The following ADAD2 variants were observed in gnomAD, a reference collection of about 807,000 sequenced individuals.
The protein encoded by ADAD2 is adenosine deaminase domain containing 2, also known as adenosine deaminase domain-containing protein 2.
A neutral mutation model predicts 54.5 loss-of-function variants in ADAD2; 60 were observed. The ratio of observed to expected loss-of-function variants is 1.10; its 90% confidence interval spans 0.89 to 1.36. The LOEUF (loss-of-function observed/expected upper bound fraction) is 1.36, where lower values mean the gene tolerates loss of function less well. Ranked by LOEUF, ADAD2 falls within the 40% of genes most tolerant of loss-of-function variation. The pLI, the probability that ADAD2 is intolerant of heterozygous loss-of-function variation, is 0.00. For synonymous variants in ADAD2, 543 were observed against 366.2 expected (o/e 1.48, Z -5.51); for missense variants, 1,103 against 801.3 (o/e 1.38, Z -4.54).
chr16:84,194,893 CT>C (rs1020618780), intron 2 of ADAD2, 39 bp from the exon 3 acceptor site: 1 of 1,574,842 alleles, frequency 6.3e-7, no homozygotes, highest in African/African-American at 1.4e-5. Flanking sequence ...GAGGGTGGGC[CT>C]TGGCACCCAC....
chr16:84,194,057 G>T, intron 1 of ADAD2: 1 of 1,611,046 alleles, frequency 6.2e-7, no homozygotes, highest in South Asian at 1.1e-5. Flanking sequence ...AAAGCAATGT[G>T]TCTGTGGCAG....
intron 9 of ADAD2, 38 bp downstream of exon 9, chr16:84,196,805 C>T (rs1291984346): frequency 1.2e-6 from 2 of 1,600,642 alleles, no homozygotes; most frequent in Non-Finnish European, 8.5e-7. Flanking sequence ...GGTCCCTCTC[C>T]AGCCCTGCAG....
chr16:84,195,795 T>C lies in ADAD2; in HGVS notation c.1053-20T>C. The C allele has an allele frequency of 6.3e-7, 1 of 1,578,100 alleles. No individual in the cohort carries two copies. Among genetic ancestry groups the C allele is most frequent in the Non-Finnish European group, 8.6e-7 (1 of 1,161,902 alleles). On this transcript the variant is annotated intron_variant, in intron 6 of 9. Transcript: ENST00000315906. Reference sequence around the variant, plus strand: ...GAAGAGCAGCCCTGAAGCTGATGTCTGTCCCCACCCGGCCCGCAGCCTGCC... The same window carrying C: ...GAAGAGCAGCCCTGAAGCTGATGTCCGTCCCCACCCGGCCCGCAGCCTGCC...
Position 84,196,173 on chromosome 16 carries a change from C to T in ADAD2, c.1329C>T (p.Thr443=). The T allele has an allele frequency of 6.2e-7, 1 of 1,607,686 alleles. No individual in the cohort carries two copies. The highest frequency in any genetic ancestry group is 8.5e-7 in the Non-Finnish European group (1 of 1,179,882). The part of the protein sequence containing the change: ...DPPTLSRAIH[T]RPCLDSVLGP... ...CGACTCTGAGCAGGGCCATCCACACCCGGCCCTGCCTGGACAGTGTCCTGG... is the reference window on the plus strand; with the variant it reads ...CGACTCTGAGCAGGGCCATCCACACTCGGCCCTGCCTGGACAGTGTCCTGG... Residue 443 remains threonine, a synonymous_variant, in exon 8 of 10, where the codon ACC becomes ACT. Coordinates refer to ENST00000315906, the MANE Select transcript of ADAD2 (RefSeq NM_001145400.2).
Position 84,196,287 on chromosome 16 carries a change from C to G in ADAD2, c.1443C>G (p.Thr481=), listed in dbSNP as rs144352486. ...CCCCTTCCGAACCCACCCCTGACAC[C>G]TGCCGTGGCCTGAGCCTCAACTGGA... ...PVAPSEPTPD[T]CRGLSLNWSL... is the part of the protein sequence containing the mutation. The change falls in exon 8 of 10, where the codon ACC becomes ACG. Residue 481 remains threonine (T), a synonymous_variant. Transcript: ENST00000315906. The G allele has an allele frequency of 5.1e-5, 83 of 1,613,022 alleles. No homozygotes were observed. In the African/African-American group the frequency reaches 9.6e-4, roughly 19 times the overall value.
intron 1 of ADAD2, among the ~76,000 whole-genome samples, chr16:84,192,086 G>C (rs1041870064): frequency 6.6e-6 from 1 of 152,196 alleles, no homozygotes; most frequent in South Asian, 2.1e-4. Context: ...GAGGTAAACC[G>C]TTATTTCCTC....
In ADAD2 at chr16:84,195,621, C is replaced by T. The variant is rs2089718185; in HGVS notation, c.976C>T (p.Pro326Ser). The T allele has an allele frequency of 9.3e-6, 15 of 1,604,886 alleles. No individual in the cohort carries two copies. Among genetic ancestry groups the T allele is most frequent in the Non-Finnish European group, 1.3e-5 (15 of 1,175,998 alleles). ...VLAPQPGPGP[P>S]FTLKPRVFLH... ...GGCCCCCCAGCCAGGGCCCGGACCCCCATTCACCCTCAAGCCCCGCGTCTT... is the reference window on the plus strand; with the variant it reads ...GGCCCCCCAGCCAGGGCCCGGACCCTCATTCACCCTCAAGCCCCGCGTCTT... The change falls in exon 6 of 10, where the codon CCA (proline) becomes TCA (serine). Residue 326 changes from proline (P) to serine (S), a missense_variant. Coordinates refer to ENST00000315906, the MANE Select transcript of ADAD2 (RefSeq NM_001145400.2).
chr16:84,191,277 A>C lies in ADAD2; in HGVS notation c.47A>C (p.Lys16Thr). Residue 16 changes from lysine (K) to threonine (T), a missense_variant, in exon 1 of 10, where the codon AAG (lysine) becomes ACG (threonine). By Grantham distance (78) the Lys-to-Thr change is moderately conservative. Transcript: ENST00000315906. The stretch of plus-strand genomic sequence containing the variant: ...GCTGACGACGACGGCAGTCGTAGGA[A>C]GCCCCGCCTGGCTGCATCGTTGCAG... ...QGADDDGSRR[K>T]PRLAASLQIS... The C allele has an allele frequency of 1.9e-6, 3 of 1,569,742 alleles. No homozygotes were observed. The highest frequency in any genetic ancestry group is 1.2e-5 in the South Asian group (1 of 86,912).
At position 84,196,699 on chromosome 16, in the gene ADAD2, T is replaced by C; in HGVS notation, c.1579T>C (p.Phe527Leu). ...RLCKASFLRA[F>L]HQAARAVGKP... The stretch of plus-strand genomic sequence containing the variant: ...CTGCAAGGCCTCCTTTCTCCGGGCC[T>C]TTCACCAGGCGGCCAGGGCTGTGGG... The change falls in exon 9 of 10, where the codon TTT becomes CTT. Residue 527 changes from phenylalanine to leucine, a missense_variant. Physicochemically the swap from Phe to Leu is conservative, Grantham distance 22 (BLOSUM62 0). Coordinates refer to ENST00000315906, the MANE Select transcript of ADAD2 (RefSeq NM_001145400.2). 6.2e-7 allele frequency: 1 copy of C among 1,613,342 alleles called. No individual in the cohort carries two copies. The highest frequency in any genetic ancestry group is 1.1e-5 in the South Asian group (1 of 91,084).
At chr16:84,194,655 A>G in intron 2 of ADAD2, 73 bp downstream of exon 2, 1 of 1,552,002 alleles carries the variant, frequency 6.4e-7, no homozygotes. Context: ...TCCCGTGGGG[A>G]GGCGGAAGTG....
chr16:84,192,009 C>T, intron 1 of ADAD2: 2 of 413,076 alleles, frequency 4.8e-6, no homozygotes, highest in South Asian at 2.2e-5. Context: ...AAATGGGAGC[C>T]ACTCCCCTGA....
chr16:84,197,005 G>T lies in ADAD2; in HGVS notation c.*31G>T. The T allele has an allele frequency of 1.3e-6, 2 of 1,559,818 alleles. No homozygotes were observed. Among genetic ancestry groups the T allele is most frequent in the Non-Finnish European group, 1.7e-6 (2 of 1,151,918 alleles). On this transcript the variant is annotated 3_prime_UTR_variant, in exon 10 of 10. Coordinates refer to ENST00000315906, the MANE Select transcript of ADAD2 (RefSeq NM_001145400.2). ...GCCTCGGCGGGACCGAGGTCCCGGA[G>T]CCAAGCTGTACCCCTGCTGGGGGAG...
chr16:84,197,104 G>C lies in ADAD2; in HGVS notation c.*130G>C. On this transcript the variant is annotated 3_prime_UTR_variant, in exon 10 of 10. Transcript: ENST00000315906. ...AAACTGGGGCTGGAGGGAAGGAGGA[G>C]CCTGCTGTGGTTGGGAGGCGGCTGC... 2 of 930,122 alleles carry C rather than the reference G, an allele frequency of 2.2e-6. No homozygotes were observed. The highest frequency in any genetic ancestry group is 3.2e-6 in the Non-Finnish European group (2 of 620,138). The allele number at this position is 930,122 out of a possible 1,614,324, so 57.6% of individuals were successfully genotyped here. A position where few individuals can be genotyped will look rare whatever the true frequency, so the allele number is the denominator to read the frequency against.
chr16:84,194,868 G>A (rs370103728), intron 2 of ADAD2, 65 bp from the exon 3 acceptor site: 3 of 1,526,744 alleles, frequency 2.0e-6, no homozygotes, highest in Non-Finnish European at 2.6e-6. Flanking sequence ...CGCCTCCTTG[G>A]CTTCCTGAGG....
chr16:84,192,160 T>C (rs1348963421), intron 1 of ADAD2, among the ~76,000 whole-genome samples: 1 of 152,226 alleles, frequency 6.6e-6, no homozygotes, highest in Non-Finnish European at 1.5e-5. Context: ...TTGGATTTTT[T>C]TTGAGACAGG....
At position 84,195,103 on chromosome 16, in the gene ADAD2, G is replaced by T. The variant is rs369199969; in HGVS notation, c.642G>T (p.Ala214=). 20 of 1,613,630 alleles carry T rather than the reference G, an allele frequency of 1.2e-5. No homozygotes were observed. The highest frequency in any genetic ancestry group is 3.3e-5 in the Admixed American group (2 of 59,990). The stretch of plus-strand genomic sequence containing the variant: ...TGACCCATGAGCAGCGCTGCGCAGC[G>T]TTGGTGAGCGCCGGCTTTGACCTCC... ...NILTHEQRCA[A]LVSAGFDLLL... The change falls in exon 4 of 10, where the codon GCG becomes GCT. Residue 214 remains alanine, a synonymous_variant. Transcript: ENST00000315906.
rs201956276 is a variant in ADAD2, at chr16:84,195,038, C to T, written c.608-31C>T. ...TGTCGAGGGGAGAGGCGTGGGCCCC[C>T]TTCTACCTGCAGTCTCTCGCCCTGG... On this transcript the variant is annotated intron_variant, in intron 3 of 9. Transcript: ENST00000315906. 4.9e-5 allele frequency: 79 copies of T among 1,612,546 alleles called. No homozygotes were observed. The Middle Eastern group carries it at 3.1e-3, about 64-fold the overall frequency.
Position 84,191,283 on chromosome 16 carries a change from G to C in ADAD2, c.53G>C (p.Arg18Pro), listed in dbSNP as rs201801481. The C allele has an allele frequency of 1.9e-6, 3 of 1,604,448 alleles. No homozygotes were observed. The highest frequency in any genetic ancestry group is 2.2e-5 in the South Asian group (2 of 90,874). Residue 18 changes from arginine to proline, a missense_variant, in exon 1 of 10, where the codon CGC (arginine) becomes CCC (proline). Physicochemically the swap from Arg to Pro is moderately radical, Grantham distance 103 (BLOSUM62 -2). Transcript: ENST00000315906. ...GACGACGGCAGTCGTAGGAAGCCCCGCCTGGCTGCATCGTTGCAGATCAGC... is the reference window on the plus strand; with the variant it reads ...GACGACGGCAGTCGTAGGAAGCCCCCCCTGGCTGCATCGTTGCAGATCAGC... ...ADDDGSRRKP[R>P]LAASLQISPQ...
In ADAD2 at chr16:84,195,212, C is replaced by A; in HGVS notation, c.733+18C>A. On this transcript the variant is annotated intron_variant, in intron 4 of 9. Coordinates refer to ENST00000315906, the MANE Select transcript of ADAD2 (RefSeq NM_001145400.2). Reference sequence around the variant, plus strand: ...GGAGAGGGGTAGGGATCGCCCCAGCCCTGGCCCTGGCCCCGGCCCCCTGGG... The same window carrying A: ...GGAGAGGGGTAGGGATCGCCCCAGCACTGGCCCTGGCCCCGGCCCCCTGGG... The A allele has an allele frequency of 6.2e-7, 1 of 1,610,918 alleles. No individual in the cohort carries two copies. Among genetic ancestry groups the A allele is most frequent in the South Asian group, 1.1e-5 (1 of 90,936 alleles).
Sources: allele counts gnomAD v4.1 joint callset (sites outside exome capture counted in the v4.1 genomes callset), GRCh38; gene constraint gnomAD v4.1.1; transcripts MANE v1.5; gene names NCBI Gene and HGNC (gene_info 2026-07-23, HGNC 2026-07-21).